The following B4GALT1 variants were observed in gnomAD, a reference collection of about 807,000 sequenced individuals.
B4GALT1 encodes N-acetyllactosamine synthase.
B4GALT1 carries 16 observed loss-of-function variants against 34.9 expected under a neutral mutation model. That is an observed-to-expected ratio of 0.46 (90% CI 0.31 to 0.70). The LOEUF (loss-of-function observed/expected upper bound fraction) is 0.70, where lower values mean the gene tolerates loss of function less well. Ranked by LOEUF, B4GALT1 falls within the 30% of genes least tolerant of loss-of-function variation. The pLI, the probability that B4GALT1 is intolerant of heterozygous loss-of-function variation, is 0.05. For missense variants in B4GALT1, 445 were observed against 530.5 expected, an observed-to-expected ratio of 0.84 and a Z score of 1.58; for synonymous variants, 221 against 218.1, an observed-to-expected ratio of 1.01 and a Z score of -0.12.
chr9:33,138,238 G>A (rs1459771645), intron 1 of B4GALT1, among the ~76,000 whole-genome samples: 3 of 152,196 alleles, frequency 2.0e-5, no homozygotes, highest in Admixed American at 6.5e-5. Context: ...GAGAAGAGAT[G>A]CCTGGGCCCC....
the B4GALT1 span, among the ~76,000 whole-genome samples, chr9:33,181,691 C>T: frequency 1.8e-4 from 27 of 152,268 alleles, no homozygotes; most frequent in African/African-American, 6.5e-4. Context: ...CAAGGATCAA[C>T]ATGTGGCCCA....
rs1330427912 is a variant in B4GALT1 at position 33,167,013 on chromosome 9, G to A, written c.157C>T (p.Leu53=). ...AGRDLSRLPQ[L]VGVSTPLQGG... ...TGCAGCGGTGTGGAGACTCCGACCA[G>A]TTGGGGCAGGCGGCTCAGGTCGCGG... The change falls in exon 1 of 6, where the codon CTG becomes TTG. Residue 53 remains leucine (L), a synonymous_variant. Coordinates refer to ENST00000379731, the MANE Select transcript of B4GALT1 (RefSeq NM_001497.4). The A allele has an allele frequency of 1.3e-6, 2 of 1,597,796 alleles. No homozygotes were observed. The highest frequency in any genetic ancestry group is 2.7e-5 in the African/African-American group (2 of 74,982).
chr9:33,171,703 C>T (rs778054257), upstream of B4GALT1, among the ~76,000 whole-genome samples: 2 of 152,082 alleles, frequency 1.3e-5, no homozygotes, highest in Admixed American at 6.6e-5. Context: ...TACCGGGATG[C>T]GCCTCCACGT....
At chr9:33,147,869 A>G (rs1183797465) in intron 1 of B4GALT1, among the ~76,000 whole-genome samples, 4 of 151,346 alleles carry the variant, frequency 2.6e-5, no homozygotes, top group African/African-American at 9.7e-5. Context: ...TTCCATCTCT[A>G]AAAAATAAAA....
chr9:33,112,992 G>C lies in B4GALT1; in HGVS notation c.*462C>G, dbSNP rs1359240201. ...GGGGGAGGACGTAACATTAAGAATG[G>C]TTGAAATTTTGTGTTTTTCTGTTAA... On this transcript the variant is annotated 3_prime_UTR_variant, in exon 6 of 6. Coordinates refer to ENST00000379731, the MANE Select transcript of B4GALT1 (RefSeq NM_001497.4). 1.9e-5 allele frequency: 5 copies of C among 265,324 alleles called. No individual in the cohort carries two copies. The highest frequency in any genetic ancestry group is 2.2e-5 in the Non-Finnish European group (3 of 134,256). The allele number at this position is 265,324 out of a possible 1,614,324, so 16.4% of individuals were successfully genotyped here.
intron 1 of B4GALT1, among the ~76,000 whole-genome samples, chr9:33,141,782 T>A (rs1840353533): frequency 6.6e-6 from 1 of 152,130 alleles, no homozygotes; most frequent in Non-Finnish European, 1.5e-5. Flanking sequence ...ATCCTAGCTG[T>A]GTGGGTGGCG....
chr9:33,130,296 C>T (rs147137172), intron 2 of B4GALT1, among the ~76,000 whole-genome samples: 1 of 152,072 alleles, frequency 6.6e-6, no homozygotes, highest in African/African-American at 2.4e-5. Context: ...GTCTCGTTTC[C>T]GGGTTTGAGT....
chr9:33,170,002 C>G (rs1455765899), upstream of B4GALT1, among the ~76,000 whole-genome samples: 1 of 136,874 alleles, frequency 7.3e-6, no homozygotes, highest in African/African-American at 2.8e-5. Context: ...CGGAGTCTCA[C>G]TCTGTCACCC....
chr9:33,123,764 C>T (rs562642156), intron 2 of B4GALT1, among the ~76,000 whole-genome samples: 3 of 152,280 alleles, frequency 2.0e-5, no homozygotes, highest in East Asian at 1.9e-4. Context: ...TTTGGAACCA[C>T]GAATGAGCAC....
At chr9:33,180,651 G>A in the B4GALT1 span, among the ~76,000 whole-genome samples, 6 of 152,164 alleles carry the variant, frequency 3.9e-5, no homozygotes, top group South Asian at 2.1e-4. Flanking sequence ...GAATAATTTC[G>A]ACACCATTCC....
rs57903353 is a variant in B4GALT1, at chr9:33,113,145, C to T, written c.*309G>A. On this transcript the variant is annotated 3_prime_UTR_variant, in exon 6 of 6. Transcript: ENST00000379731. ...CACGACAATTTAGCAATTCTATCACCGGGAATGTGTTCCACGGCCACCAAA... is the reference window on the plus strand; with the variant it reads ...CACGACAATTTAGCAATTCTATCACTGGGAATGTGTTCCACGGCCACCAAA... The T allele has an allele frequency of 6.4e-5, 25 of 389,568 alleles. No homozygotes were observed. The East Asian group carries it at 1.0e-3, about 16-fold the overall frequency. 24.1% of individuals were successfully genotyped at this position (389,568 alleles called of 1,614,324 possible). A position where few individuals can be genotyped will look rare whatever the true frequency, so the allele number is the denominator to read the frequency against.
intron 2 of B4GALT1, among the ~76,000 whole-genome samples, chr9:33,123,135 G>T (rs34778677): frequency 1.3e-5 from 2 of 151,984 alleles, no homozygotes; most frequent in Non-Finnish European, 2.9e-5. Flanking sequence ...AAAATTAGCT[G>T]GGTGTGGTGG....
chr9:33,152,447 T>C (rs551635777), intron 1 of B4GALT1, among the ~76,000 whole-genome samples: 38 of 124,192 alleles, frequency 3.1e-4, no homozygotes, highest in African/African-American at 1.1e-3. Flanking sequence ...TGATATGTAA[T>C]AAACAAGAAA....
chr9:33,137,464 T>A (rs1840287925), intron 1 of B4GALT1, among the ~76,000 whole-genome samples: 1 of 152,078 alleles, frequency 6.6e-6, no homozygotes, highest in African/African-American at 2.4e-5. Flanking sequence ...TGAAGCTCAG[T>A]CCCTTATAAG....
At chr9:33,153,108 A>C (rs1840546993) in intron 1 of B4GALT1, among the ~76,000 whole-genome samples, 1 of 152,206 alleles carries the variant, frequency 6.6e-6, no homozygotes, top group Admixed American at 6.5e-5. Context: ...ATCAGTAATC[A>C]GAGAAACATA....
the B4GALT1 span, among the ~76,000 whole-genome samples, chr9:33,173,591 GGTGTGTGTGTGTGTGTGTGTGTGT>G: frequency 7.0e-6 from 1 of 143,166 alleles, no homozygotes; most frequent in African/African-American, 2.6e-5. Context: ...AAATAAGAAT[GGTGTGTGTGTGTGTGTGTGTGTGT>G]GTGTGTGTGT....
At chr9:33,179,057 A>G in the B4GALT1 span, 4 of 152,176 alleles carry the variant, frequency 2.6e-5, no homozygotes, top group African/African-American at 9.7e-5. Flanking sequence ...CCAATATCTC[A>G]TAAAGCCTGT....
At chr9:33,137,647 CTT>C (rs1840290055) in intron 1 of B4GALT1, among the ~76,000 whole-genome samples, 8 of 151,512 alleles carry the variant, frequency 5.3e-5, no homozygotes, top group Non-Finnish European at 1.0e-4. Context: ...GGGCCCTTCC[CTT>C]AGAGAGTCTG....
intron 2 of B4GALT1, among the ~76,000 whole-genome samples, chr9:33,121,892 TG>T (rs967933876): frequency 5.7e-4 from 87 of 152,230 alleles, no homozygotes; most frequent in African/African-American, 2.0e-3. Context: ...GATCACATTG[TG>T]GGGTAGAGTT....
Sources: gnomAD v4.1 joint callset for allele counts (sites outside exome capture counted in the v4.1 genomes callset) on GRCh38, gnomAD v4.1.1 for gene constraint, MANE v1.5 for transcripts, NCBI Gene and HGNC (gene_info 2026-07-23, HGNC 2026-07-21) for gene names.